The following KIAA1328 variants were observed in gnomAD, a reference collection of about 807,000 sequenced individuals.
KIAA1328 encodes the protein KIAA1328.
Under a neutral mutation model 68.1 loss-of-function variants are expected in KIAA1328, and 52 were observed. The observed-to-expected ratio is 0.76, with a 90% confidence interval of 0.61 to 0.96. The LOEUF (loss-of-function observed/expected upper bound fraction) is 0.96, where lower values mean the gene tolerates loss of function less well. KIAA1328 is among the 40% of genes least tolerant of loss of function. The pLI is 0.00. For synonymous variants in KIAA1328, 232 were observed against 239.4 expected, an observed-to-expected ratio of 0.97 and a Z score of 0.28; for missense variants, 641 against 677.6, an observed-to-expected ratio of 0.95 and a Z score of 0.60.
intron 5 of KIAA1328, among the ~76,000 whole-genome samples, chr18:36,910,271 T>C (rs1235632003): frequency 2.6e-5 from 4 of 152,168 alleles, no homozygotes; most frequent in Admixed American, 2.6e-4. Context: ...CATTTAAGTC[T>C]TTAATCCATC....
At chr18:37,101,748 T>C (rs1469741494) in intron 7 of KIAA1328, among the ~76,000 whole-genome samples, 2 of 151,974 alleles carry the variant, frequency 1.3e-5, no homozygotes, top group Non-Finnish European at 1.5e-5. Context: ...AAGGAAAAAA[T>C]GTTAAGGGCA....
chr18:37,168,977 G>A (rs1040529304), intron 8 of KIAA1328, among the ~76,000 whole-genome samples: 10 of 151,898 alleles, frequency 6.6e-5, no homozygotes, highest in Non-Finnish European at 1.2e-4. Context: ...AATATACCCA[G>A]TTATATCTAA....
At chr18:37,181,806 C>T (rs1556913713) in intron 9 of KIAA1328, among the ~76,000 whole-genome samples, 1 of 152,118 alleles carries the variant, frequency 6.6e-6, no homozygotes, top group Non-Finnish European at 1.5e-5. Flanking sequence ...GTTGTAAGAG[C>T]TGTTTTACTT....
intron 5 of KIAA1328, among the ~76,000 whole-genome samples, chr18:36,899,521 CAG>C (rs1178240551): frequency 6.6e-6 from 1 of 151,784 alleles, no homozygotes; most frequent in Non-Finnish European, 1.5e-5. Flanking sequence ...AAAAGCTTCT[CAG>C]GAGGTGAATA....
intron 7 of KIAA1328, among the ~76,000 whole-genome samples, chr18:37,153,229 T>A (rs1256027327): frequency 6.6e-6 from 1 of 152,110 alleles, no homozygotes; most frequent in African/African-American, 2.4e-5. Context: ...CAGGAGCCCC[T>A]CTCTGCAGGA....
intron 9 of KIAA1328, among the ~76,000 whole-genome samples, chr18:37,198,998 A>C (rs1171927589): frequency 6.6e-6 from 1 of 152,200 alleles, no homozygotes; most frequent in African/African-American, 2.4e-5. Context: ...ACACAACTAT[A>C]ATTCACAGAA....
intron 4 of KIAA1328, among the ~76,000 whole-genome samples, chr18:36,873,401 G>C (rs1055204647): frequency 3.3e-5 from 5 of 152,138 alleles, no homozygotes; most frequent in Admixed American, 1.3e-4. Flanking sequence ...CTCTCCTTGT[G>C]GTGGCTTACA....
chr18:36,879,447 AGGTGTCTGTC>A (rs1405824052), intron 4 of KIAA1328, among the ~76,000 whole-genome samples: 7 of 151,870 alleles, frequency 4.6e-5, no homozygotes, highest in African/African-American at 1.7e-4. Flanking sequence ...CTCCTATATG[AGGTGTCTGTC>A]AACCTCTGCT....
At chr18:36,836,278 A>G (rs1480067004) in intron 3 of KIAA1328, among the ~76,000 whole-genome samples, 2 of 152,174 alleles carry the variant, frequency 1.3e-5, no homozygotes, top group Non-Finnish European at 2.9e-5. Context: ...GCAAGTTCTT[A>G]TCAAAAAAAG....
intron 7 of KIAA1328, among the ~76,000 whole-genome samples, chr18:37,118,535 T>G (rs544274518): frequency 1.3e-5 from 2 of 152,298 alleles, no homozygotes; most frequent in African/African-American, 4.8e-5. Context: ...TTCCTTTGTG[T>G]AGTAGCAACC....
chr18:37,090,069 C>T (rs1477725986), intron 7 of KIAA1328, among the ~76,000 whole-genome samples: 2 of 152,128 alleles, frequency 1.3e-5, no homozygotes, highest in African/African-American at 4.8e-5. Flanking sequence ...TGTAAATTCC[C>T]TTGCCTGGGA....
intron 6 of KIAA1328, among the ~76,000 whole-genome samples, chr18:36,983,014 T>C (rs2052758952): frequency 6.6e-6 from 1 of 151,908 alleles, no homozygotes; most frequent in African/African-American, 2.4e-5. Context: ...AAGGGGATGA[T>C]ACTGGTTTTT....
intron 4 of KIAA1328, among the ~76,000 whole-genome samples, chr18:36,856,617 AT>A (rs2047392166): frequency 6.6e-6 from 1 of 152,002 alleles, no homozygotes. Context: ...CTTTGAGTGT[AT>A]TCAGGACAGT....
chr18:36,956,733 G>A (rs1052303285), intron 5 of KIAA1328, among the ~76,000 whole-genome samples: 4 of 152,088 alleles, frequency 2.6e-5, no homozygotes, highest in Admixed American at 6.6e-5. Flanking sequence ...AGTAAAATTC[G>A]TATTCTGTGA....
chr18:37,098,195 G>A (rs1475865725), intron 7 of KIAA1328, among the ~76,000 whole-genome samples: 10 of 151,950 alleles, frequency 6.6e-5, no homozygotes, highest in South Asian at 6.2e-4. Context: ...ATTCAGTATG[G>A]TATTGGCTGT....
At position 37,067,559 on chromosome 18, in the gene KIAA1328, G is replaced by GT; in HGVS notation, c.1232+16dup. The GT allele has an allele frequency of 7.0e-7, 1 of 1,424,048 alleles. No individual in the cohort carries two copies. Among genetic ancestry groups the GT allele is most frequent in the South Asian group, 1.5e-5 (1 of 67,000 alleles). The allele number at this position is 1,424,048 out of a possible 1,614,324, so 88.2% of individuals were successfully genotyped here. A position where few individuals can be genotyped will look rare whatever the true frequency, so the allele number is the denominator to read the frequency against. On this transcript the variant is annotated intron_variant, in intron 7 of 9. Coordinates refer to ENST00000280020, the MANE Select transcript of KIAA1328 (RefSeq NM_020776.3). ...GGATTACAATTGGTGAGTACTGCCTGTTCTTTTTTTTTTTTTTTTGAGACG... is the reference window on the plus strand; with the variant it reads ...GGATTACAATTGGTGAGTACTGCCTGTTTCTTTTTTTTTTTTTTTTGAGACG...
chr18:37,052,749 C>G (rs2055750167), intron 6 of KIAA1328, among the ~76,000 whole-genome samples: 1 of 152,024 alleles, frequency 6.6e-6, no homozygotes, highest in Admixed American at 6.6e-5. Context: ...TTTACAATAG[C>G]CACACACACA....
chr18:36,867,691 AATGTATGAAAGAAC>A (rs1207153923), intron 4 of KIAA1328, among the ~76,000 whole-genome samples: 1 of 152,206 alleles, frequency 6.6e-6, no homozygotes, highest in African/African-American at 2.4e-5. Context: ...TTATGGGTAC[AATGTATGAAAGAAC>A]AGTAAAGATG....
At chr18:36,920,893 T>C (rs1353730665) in intron 5 of KIAA1328, among the ~76,000 whole-genome samples, 1 of 152,162 alleles carries the variant, frequency 6.6e-6, no homozygotes, top group Non-Finnish European at 1.5e-5. Flanking sequence ...TCTCTAGTAC[T>C]CTGCCCTGTG....
Sources: allele counts gnomAD v4.1 joint callset (sites outside exome capture counted in the v4.1 genomes callset), GRCh38; gene constraint gnomAD v4.1.1; transcripts MANE v1.5; gene names NCBI Gene and HGNC (gene_info 2026-07-23, HGNC 2026-07-21).